The following NUDT3 variants were observed in gnomAD, a reference collection of about 807,000 sequenced individuals.
NUDT3 encodes diphosphoinositol polyphosphate phosphohydrolase 1.
In NUDT3, 9 loss-of-function variants were observed where a neutral mutation model predicts 23.6. The ratio of observed to expected loss-of-function variants is 0.38; its 90% CI spans 0.23 to 0.66. NUDT3 has a LOEUF of 0.66. NUDT3 is among the 30% of genes least tolerant of loss of function. The pLI, the probability that NUDT3 is intolerant of heterozygous loss-of-function variation, is 0.52. For synonymous variants in NUDT3, 86 were observed against 82.6 expected, an observed-to-expected ratio of 1.04 and a Z score of -0.22; for missense variants, 172 against 218.5, an observed-to-expected ratio of 0.79 and a Z score of 1.34.
At chr6:34,297,730 A>AATAT (rs139306311) in intron 2 of NUDT3, among the ~76,000 whole-genome samples, 43 of 71,974 alleles carry the variant, frequency 6.0e-4, no homozygotes, top group South Asian at 2.4e-3. Context: ...AAAAAAAAAA[A>AATAT]ATATATATAT....
chr6:34,390,475 T>C (rs750955046), intron 1 of NUDT3, among the ~76,000 whole-genome samples: 5 of 152,102 alleles, frequency 3.3e-5, no homozygotes, highest in African/African-American at 1.2e-4. Context: ...AGTTTGCTTA[T>C]GATCTATAGT....
chr6:34,344,299 C>G (rs1259693351), intron 1 of NUDT3, among the ~76,000 whole-genome samples: 1 of 151,908 alleles, frequency 6.6e-6, no homozygotes, highest in African/African-American at 2.4e-5. Context: ...CTCAAATATC[C>G]AATAAGAGTG....
chr6:34,392,179 C>G (rs1765214938), intron 1 of NUDT3, 85 bp downstream of exon 1: 5 of 1,067,764 alleles, frequency 4.7e-6, no homozygotes, highest in Non-Finnish European at 4.0e-6. Flanking sequence ...CTGGCACACC[C>G]TCCTCCGGCG....
chr6:34,290,370 C>T, intron 4 of NUDT3, among the ~76,000 whole-genome samples: 1 of 146,370 alleles, frequency 6.8e-6, no homozygotes, highest in Non-Finnish European at 1.5e-5. Flanking sequence ...GTAGCTAGGA[C>T]TACAAGCACG....
intron 2 of NUDT3, among the ~76,000 whole-genome samples, chr6:34,335,130 G>C (rs1298592565): frequency 3.3e-5 from 5 of 152,166 alleles, no homozygotes; most frequent in African/African-American, 1.2e-4. Context: ...TACAGCATGA[G>C]TGAACCTACT....
intron 2 of NUDT3, among the ~76,000 whole-genome samples, chr6:34,296,875 TAC>T (rs1266596770): frequency 1.3e-5 from 2 of 150,602 alleles, no homozygotes. Context: ...ATGACAGAAA[TAC>T]ACAGAGTGAT....
intron 1 of NUDT3, among the ~76,000 whole-genome samples, chr6:34,358,258 T>TACAC (rs71538235): frequency 0.027 from 3,899 of 144,640 alleles, 70 homozygotes; most frequent in African/African-American, 0.048. Flanking sequence ...ATGAGTAGTT[T>TACAC]ACACACACAC....
chr6:34,392,381 G>T lies in NUDT3; in HGVS notation c.-19C>A. ...TCATCATCCTCCGGGCCCGGGTGGG[G>T]GTGCGGTGCGGGTCGCAGGAGTCGA... On this transcript the variant is annotated 5_prime_UTR_variant, in exon 1 of 5. Coordinates refer to ENST00000607016, the MANE Select transcript of NUDT3 (RefSeq NM_006703.4). 6.3e-7 allele frequency: 1 copy of T among 1,588,834 alleles called. No homozygotes were observed. Among genetic ancestry groups the T allele is most frequent in the Non-Finnish European group, 8.6e-7 (1 of 1,168,764 alleles).
At chr6:34,386,812 G>A (rs183745022) in intron 1 of NUDT3, among the ~76,000 whole-genome samples, 74 of 152,164 alleles carry the variant, frequency 4.9e-4, no homozygotes, top group Middle Eastern at 3.4e-3. Flanking sequence ...CTGTGCTGCC[G>A]GTCATATAAA....
At chr6:34,297,760 A>ATATATATATATATATATATATTTTTT (rs1763535832) in intron 2 of NUDT3, among the ~76,000 whole-genome samples, 1 of 53,652 alleles carries the variant, frequency 1.9e-5, no homozygotes, top group Non-Finnish European at 3.1e-5. Context: ...TATATATATA[A>ATATATATATATATATATATATTTTTT]TTTTTTTTTT....
At chr6:34,291,251 G>A (rs1278698197) in intron 4 of NUDT3, among the ~76,000 whole-genome samples, 1 of 151,880 alleles carries the variant, frequency 6.6e-6, no homozygotes, top group Non-Finnish European at 1.5e-5. Flanking sequence ...GATCCACCAT[G>A]CCCAGTGATT....
At position 34,392,263 on chromosome 6, in the gene NUDT3, C is replaced by G; in HGVS notation, c.99+1G>C. ...CCGGCCCGCCCAGCCTGCCGCCTCA[C>G]CTCCTCCTCGCTCTCGCTGCGGAAA... On this transcript the variant is annotated splice_donor_variant, in intron 1 of 4. Transcript: ENST00000607016. LOFTEE classifies it high-confidence loss of function. The G allele has an allele frequency of 6.3e-7, 1 of 1,592,596 alleles. No homozygotes were observed. The highest frequency in any genetic ancestry group is 8.5e-7 in the Non-Finnish European group (1 of 1,174,200).
chr6:34,332,542 T>G (rs1280431033), intron 2 of NUDT3, among the ~76,000 whole-genome samples: 2 of 152,196 alleles, frequency 1.3e-5, no homozygotes, highest in African/African-American at 2.4e-5. Flanking sequence ...CACATATAAA[T>G]GAACCCGTGC....
chr6:34,298,239 T>C (rs1472128149), intron 2 of NUDT3, among the ~76,000 whole-genome samples: 3 of 152,130 alleles, frequency 2.0e-5, no homozygotes, highest in East Asian at 1.9e-4. Context: ...CACATGCCCA[T>C]AGTCCCAGCT....
At chr6:34,340,584 G>C (rs898833891) in intron 2 of NUDT3, among the ~76,000 whole-genome samples, 1 of 151,908 alleles carries the variant, frequency 6.6e-6, no homozygotes, top group Non-Finnish European at 1.5e-5. Context: ...GGTTCTACCC[G>C]GGTTAGCCTC....
chr6:34,354,735 G>GTATA (rs142735114), intron 1 of NUDT3, among the ~76,000 whole-genome samples: 133 of 120,696 alleles, frequency 1.1e-3, no homozygotes, highest in African/African-American at 3.7e-3. Flanking sequence ...GGGGGAAAAA[G>GTATA]TATATATATA....
intron 1 of NUDT3, among the ~76,000 whole-genome samples, chr6:34,371,373 G>A (rs1476564099): frequency 6.6e-6 from 1 of 151,886 alleles, no homozygotes. Flanking sequence ...GGCTGAGGCA[G>A]GAGAATTGCT....
At chr6:34,293,665 G>T (rs1763457272) in intron 3 of NUDT3, 130 bp from the exon 4 acceptor site, 4 of 1,044,554 alleles carry the variant, frequency 3.8e-6, no homozygotes, top group Non-Finnish European at 4.1e-6. Context: ...ACTTTTTATG[G>T]TCCTACAGTT....
intron 1 of NUDT3, among the ~76,000 whole-genome samples, chr6:34,380,965 C>T (rs1765006741): frequency 6.6e-6 from 1 of 152,114 alleles, no homozygotes; most frequent in South Asian, 2.1e-4. Context: ...AAAGGCTTCT[C>T]CAATTCCTAT....
Sources: gnomAD v4.1 joint callset for allele counts (sites outside exome capture counted in the v4.1 genomes callset) on GRCh38, gnomAD v4.1.1 for gene constraint, MANE v1.5 for transcripts, NCBI Gene and HGNC (gene_info 2026-07-23, HGNC 2026-07-21) for gene names.